NLRC4: variants seen among roughly 807,000 people sequenced by gnomAD.
NLRC4 encodes the protein NLR family CARD domain containing 4, also known as NLR family CARD domain-containing protein 4.
NLRC4 carries 63 observed loss-of-function variants against 79.9 expected under a neutral mutation model. The observed-to-expected ratio is 0.79, with a 90% CI of 0.64 to 0.97. The LOEUF is 0.97. Among genes scored for constraint, NLRC4 ranks in the 50% least tolerant of loss-of-function variants. NLRC4 has a pLI of 0.00. For synonymous variants in NLRC4, 461 were observed against 456.5 expected (o/e 1.01, Z -0.12); for missense variants, 1,074 against 1,215.2 (o/e 0.88, Z 1.73).
At chr2:32,227,692 AAG>A (rs998278741) in intron 8 of NLRC4, among the ~76,000 whole-genome samples, 2 of 152,216 alleles carry the variant, frequency 1.3e-5, no homozygotes, top group Admixed American at 6.5e-5. Flanking sequence ...TCATCAATTT[AAG>A]AGAGTTTCTT....
rs1687058428 is a variant in NLRC4 at position 32,250,869 on chromosome 2, C to G, written c.995G>C (p.Arg332Thr). The G allele has an allele frequency of 6.2e-7, 1 of 1,614,048 alleles. No individual in the cohort carries two copies. The highest frequency in any genetic ancestry group is 8.5e-7 in the Non-Finnish European group (1 of 1,180,044). ...LLQIQKSRCL[R>T]NLMKTPLFVV... The stretch of plus-strand genomic sequence containing the variant: ...AAAGAGAGGGGTCTTCATGAGATTC[C>G]TCAAGCACCTGGATTTCTGAATTTG... Residue 332 changes from arginine to threonine, a missense_variant, in exon 4 of 9, where the codon AGG becomes ACG. Transcript: ENST00000402280. This position sits in a 1 kb window ranked among gnomAD's most constrained non-coding sequence, Gnocchi z 4.9.
intron 8 of NLRC4, among the ~76,000 whole-genome samples, chr2:32,228,324 G>GC (rs1035181057): frequency 1.4e-4 from 21 of 152,152 alleles, no homozygotes; most frequent in African/African-American, 4.1e-4. Context: ...AAATGGAACT[G>GC]CCCCCCGGGA....
At chr2:32,229,669 T>A (rs1015843482) in intron 8 of NLRC4, among the ~76,000 whole-genome samples, 2 of 152,012 alleles carry the variant, frequency 1.3e-5, no homozygotes, top group Non-Finnish European at 2.9e-5. Flanking sequence ...CTAGAAACAT[T>A]TAATATCTGG....
intron 2 of NLRC4, among the ~76,000 whole-genome samples, chr2:32,256,496 G>A (rs2148946137): frequency 6.6e-6 from 1 of 152,252 alleles, no homozygotes; most frequent in Non-Finnish European, 1.5e-5. Context: ...AGCTTGACAT[G>A]TATAGCTCTC....
intron 4 of NLRC4, among the ~76,000 whole-genome samples, chr2:32,243,626 C>G (rs1251696140): frequency 6.7e-6 from 1 of 150,308 alleles, no homozygotes; most frequent in Non-Finnish European, 1.5e-5. Context: ...ATGGTGAAAC[C>G]CTGTCTCTAC....
chr2:32,259,823 G>C (rs1687296453), intron 1 of NLRC4, among the ~76,000 whole-genome samples: 1 of 152,144 alleles, frequency 6.6e-6, no homozygotes, highest in Admixed American at 6.5e-5. Context: ...CATACAGTAT[G>C]TGCTACTCCT....
chr2:32,242,220 A>C (rs1686822267), intron 4 of NLRC4, among the ~76,000 whole-genome samples: 1 of 152,138 alleles, frequency 6.6e-6, no homozygotes. Flanking sequence ...AAATCAATGA[A>C]GCTAAAAGTT....
At chr2:32,227,070 T>G (rs1686420079) in intron 8 of NLRC4, among the ~76,000 whole-genome samples, 1 of 152,080 alleles carries the variant, frequency 6.6e-6, no homozygotes, top group Non-Finnish European at 1.5e-5. Context: ...TCCATGTCAC[T>G]TTTCCGCTTT....
intron 1 of NLRC4, among the ~76,000 whole-genome samples, chr2:32,259,737 A>T (rs186790499): frequency 2.0e-4 from 31 of 152,212 alleles, no homozygotes; most frequent in Admixed American, 8.5e-4. Flanking sequence ...TCTCTGCCAC[A>T]CCCTCAAAGA....
chr2:32,237,657 A>C (rs1686703397), intron 6 of NLRC4, among the ~76,000 whole-genome samples: 4 of 152,242 alleles, frequency 2.6e-5, no homozygotes, highest in Admixed American at 2.6e-4. Context: ...GTTTCCCCGT[A>C]GTTGATATGC....
intron 1 of NLRC4, 100 bp from the exon 2 acceptor site, chr2:32,256,993 CCAA>C: frequency 2.0e-6 from 1 of 493,770 alleles, no homozygotes; most frequent in Non-Finnish European, 3.6e-6. Flanking sequence ...AAATGGTGAC[CCAA>C]ACCAGAAAAA....
intron 8 of NLRC4, among the ~76,000 whole-genome samples, chr2:32,233,176 GGAAGGAAGGAAGGAAGGAA>G (rs1686583823): frequency 1.0e-5 from 1 of 98,468 alleles, no homozygotes; most frequent in African/African-American, 3.9e-5. Context: ...AAGGAAGGAA[GGAAGGAAGGAAGGAAGGAA>G]GGGAGGGAGG....
chr2:32,261,457 G>A (rs561865987), intron 1 of NLRC4, among the ~76,000 whole-genome samples: 4 of 149,774 alleles, frequency 2.7e-5, no homozygotes, highest in Admixed American at 2.7e-4. Context: ...GATTACAGGT[G>A]CATGCCTCCT....
intron 1 of NLRC4, among the ~76,000 whole-genome samples, 157 bp downstream of exon 1, chr2:32,264,581 G>T (rs1687426071): frequency 6.6e-6 from 1 of 151,810 alleles, no homozygotes; most frequent in Non-Finnish European, 1.5e-5. Context: ...CACCCCTAAA[G>T]GTTTCTCGGC....
intron 1 of NLRC4, among the ~76,000 whole-genome samples, chr2:32,262,150 A>G (rs1162812857): frequency 6.6e-6 from 1 of 152,174 alleles, no homozygotes; most frequent in African/African-American, 2.4e-5. Flanking sequence ...GCAAGGGCAC[A>G]TTTTGGTGTC....
At chr2:32,261,742 C>A (rs184797433) in intron 1 of NLRC4, among the ~76,000 whole-genome samples, 1 of 152,046 alleles carries the variant, frequency 6.6e-6, no homozygotes. Context: ...AATAAAGTTT[C>A]CCTTTTATGT....
Position 32,251,161 on chromosome 2 carries a change from T to C in NLRC4, c.703A>G (p.Met235Val), listed in dbSNP as rs925653020. The C allele has an allele frequency of 2.5e-6, 4 of 1,614,112 alleles. No homozygotes were observed. Among genetic ancestry groups the C allele is most frequent in the Non-Finnish European group, 3.4e-6 (4 of 1,180,046 alleles). ...ACCCTCTGCCGCAGCTTCAGCAGCA[T>C]GGCCATGAATGTCTGCTTCCTGATT... is the stretch of plus-strand genomic sequence containing the variant. ...GTIRKQTFMA[M>V]LLKLRQRVLF... The change falls in exon 4 of 9, where the codon ATG becomes GTG. Residue 235 changes from methionine to valine, a missense_variant. Transcript: ENST00000402280.
chr2:32,243,795 CAAA>C (rs796675444), intron 4 of NLRC4, among the ~76,000 whole-genome samples: 3 of 67,350 alleles, frequency 4.5e-5, no homozygotes, highest in Admixed American at 1.8e-4. Context: ...GATTCCATCT[CAAA>C]AAAAAAAAAA....
intron 4 of NLRC4, 73 bp downstream of exon 4, chr2:32,249,534 C>T: frequency 8.0e-7 from 1 of 1,251,802 alleles, no homozygotes; most frequent in Admixed American, 2.3e-5. Context: ...AGTCTCCTCT[C>T]TCCTTTTCCA....
Sources: allele counts gnomAD v4.1 joint callset (sites outside exome capture counted in the v4.1 genomes callset), GRCh38; gene constraint gnomAD v4.1.1; non-coding constraint Gnocchi (gnomAD v3.1); transcripts MANE v1.5; gene names NCBI Gene and HGNC (gene_info 2026-07-23, HGNC 2026-07-21).